The following MAST4 variants were observed in gnomAD, a reference collection of about 807,000 sequenced individuals.
MAST4 encodes microtubule associated serine/threonine kinase family member 4, also known as microtubule-associated serine/threonine-protein kinase 4.
In MAST4, 89 loss-of-function variants were observed where a neutral mutation model predicts 162.7. The ratio of observed to expected loss-of-function variants is 0.55; its 90% CI spans 0.46 to 0.65. MAST4 has a LOEUF of 0.65. Ranked by LOEUF, MAST4 falls within the 30% of genes least tolerant of loss-of-function variation. The pLI, the probability that MAST4 is intolerant of heterozygous loss-of-function variation, is 0.00. For missense variants in MAST4, 3,153 were observed against 3,374.0 expected (o/e 0.93, Z 1.62); for synonymous variants, 1,479 against 1,361.1 (o/e 1.09, Z -1.91).
At chr5:66,938,474 T>C (rs1174660798) in intron 4 of MAST4, among the ~76,000 whole-genome samples, 1 of 152,186 alleles carries the variant, frequency 6.6e-6, no homozygotes, top group Admixed American at 6.5e-5. Context: ...AGAAGAACAC[T>C]GTCTAATTGG....
intron 4 of MAST4, among the ~76,000 whole-genome samples, chr5:66,926,566 C>A (rs56139632): frequency 0.53 from 79,479 of 150,638 alleles, 21,463 homozygotes; most frequent in Non-Finnish European, 0.59. Context: ...CTTTCTCTCT[C>A]TATATATATA....
intron 28 of MAST4, 126 bp downstream of exon 28, chr5:67,162,914 AT>A: frequency 9.2e-7 from 1 of 1,086,768 alleles, no homozygotes; most frequent in Non-Finnish European, 1.3e-6. Flanking sequence ...ATAAAGACAG[AT>A]TTATAGAGAG....
intron 4 of MAST4, among the ~76,000 whole-genome samples, chr5:66,933,383 C>T (rs2150079756): frequency 6.6e-6 from 1 of 152,212 alleles, no homozygotes; most frequent in African/African-American, 2.4e-5. Flanking sequence ...TCTTTTATTG[C>T]TGCAGGAAAA....
intron 5 of MAST4, among the ~76,000 whole-genome samples, chr5:67,087,467 G>A (rs1763368992): frequency 6.6e-6 from 1 of 152,134 alleles, no homozygotes; most frequent in African/African-American, 2.4e-5. Flanking sequence ...AATAAACACA[G>A]CTCATTGGCT....
intron 10 of MAST4, among the ~76,000 whole-genome samples, chr5:67,105,029 C>T (rs574261030): frequency 2.0e-5 from 3 of 152,280 alleles, no homozygotes; most frequent in Non-Finnish European, 4.4e-5. Context: ...GAATGGCAAC[C>T]TATATTTTCA....
chr5:66,858,951 C>G (rs1759884544), intron 3 of MAST4, among the ~76,000 whole-genome samples: 1 of 151,762 alleles, frequency 6.6e-6, no homozygotes, highest in African/African-American at 2.4e-5. Flanking sequence ...TCAGTGTTTT[C>G]TAGTTGGTTA....
Position 66,865,006 on chromosome 5 carries a change from G to A in MAST4, c.643-34945G>A, listed in dbSNP as rs139608778. Among the ~76,000 whole-genome samples the A allele has an allele frequency of 8.7e-4, 132 of 152,242 alleles. No individual in the cohort carries two copies. The Middle Eastern group carries it at 0.01, about 12-fold the overall frequency. ...AGGCATTAGACATGGGGCAGTGCTA[G>A]TTGTTTGGCCCATGAAAGAGAGAAC... On this transcript the variant is annotated intron_variant, in intron 3 of 28. Transcript: ENST00000403625.
chr5:66,800,347 G>A (rs1755856410), intron 3 of MAST4, among the ~76,000 whole-genome samples: 1 of 152,172 alleles, frequency 6.6e-6, no homozygotes, highest in Non-Finnish European at 1.5e-5. Flanking sequence ...ATACATCATG[G>A]AATATTATGC....
At chr5:66,741,083 A>G (rs1274456651) in intron 1 of MAST4, among the ~76,000 whole-genome samples, 4 of 152,202 alleles carry the variant, frequency 2.6e-5, no homozygotes, top group Admixed American at 6.5e-5. Context: ...TTTCTCAAAC[A>G]TACTGAATGC....
At chr5:67,118,816 G>C in intron 13 of MAST4, 67 bp downstream of exon 13, 1 of 919,134 alleles carries the variant, frequency 1.1e-6, no homozygotes, top group East Asian at 2.6e-5. Flanking sequence ...CTTTGGCTAT[G>C]TTAGTTTATT....
At chr5:66,993,848 C>T (rs1045402909) in intron 4 of MAST4, among the ~76,000 whole-genome samples, 1 of 151,334 alleles carries the variant, frequency 6.6e-6, no homozygotes, top group Non-Finnish European at 1.5e-5. Context: ...TAAGAATCAC[C>T]TGGACATTTT....
At chr5:66,799,696 G>C (rs1421543034) in intron 3 of MAST4, among the ~76,000 whole-genome samples, 1 of 152,200 alleles carries the variant, frequency 6.6e-6, no homozygotes, top group Non-Finnish European at 1.5e-5. Flanking sequence ...ATCATGCTCT[G>C]CTGTGGCCCT....
chr5:66,927,015 T>C (rs1718042927), intron 4 of MAST4, among the ~76,000 whole-genome samples: 1 of 152,218 alleles, frequency 6.6e-6, no homozygotes, highest in African/African-American at 2.4e-5. Context: ...GTTATGTGAT[T>C]CCCTTCCTAT....
intron 3 of MAST4, among the ~76,000 whole-genome samples, chr5:66,793,310 G>A (rs1755505673): frequency 1.3e-5 from 2 of 152,198 alleles, no homozygotes; most frequent in South Asian, 4.1e-4. Context: ...CGCCTGCTGG[G>A]ACACCAGCCG....
At chr5:67,074,034 A>G (rs986745694) in intron 5 of MAST4, among the ~76,000 whole-genome samples, 1 of 152,138 alleles carries the variant, frequency 6.6e-6, no homozygotes, top group Non-Finnish European at 1.5e-5. Context: ...CTAACAAATA[A>G]CTTAGGACAT....
Position 66,884,542 on chromosome 5 carries a change from G to A in MAST4, c.643-15409G>A, listed in dbSNP as rs569964293. Among the ~76,000 whole-genome samples the A allele has an allele frequency of 5.3e-5, 8 of 152,276 alleles. No homozygotes were observed. The South Asian group carries it at 6.2e-4, about 12-fold the overall frequency. ...GGACCCGGGAAGCTTGCATTTGGAG[G>A]AAGGAAAAGCTCTAACCCAGAAGCC... is the stretch of plus-strand genomic sequence containing the variant. On this transcript the variant is annotated intron_variant, in intron 3 of 28. Transcript: ENST00000403625.
At chr5:67,145,026 C>A in intron 22 of MAST4, 118 bp from the exon 23 acceptor site, 1 of 939,340 alleles carries the variant, frequency 1.1e-6, no homozygotes, top group Non-Finnish European at 1.6e-6. Flanking sequence ...AACCATTGCA[C>A]TAGACATCTC....
In MAST4 at chr5:66,880,880, T is replaced by C. The variant is rs111738296; in HGVS notation, c.643-19071T>C. 7.6e-3 allele frequency among the ~76,000 whole-genome samples: 1,152 copies of C among 152,344 alleles called. 20 individuals are homozygous for C. The highest frequency in any genetic ancestry group is 0.026 in the African/African-American group (1,096 of 41,574). On this transcript the variant is annotated intron_variant, in intron 3 of 28. Transcript: ENST00000403625. ...TGACATTCACTTTGTGGCCAGGCACTGTGCTAAGTGCTGGAGATTGAGTAC... is the reference window on the plus strand; with the variant it reads ...TGACATTCACTTTGTGGCCAGGCACCGTGCTAAGTGCTGGAGATTGAGTAC...
chr5:66,779,923 G>C (rs973794623), intron 2 of MAST4, among the ~76,000 whole-genome samples: 15 of 152,162 alleles, frequency 9.9e-5, no homozygotes, highest in African/African-American at 3.4e-4. Context: ...ATGTTATGAA[G>C]TATAATTTGC....
Sources: allele counts gnomAD v4.1 joint callset (sites outside exome capture counted in the v4.1 genomes callset), GRCh38; gene constraint gnomAD v4.1.1; transcripts MANE v1.5; gene names NCBI Gene and HGNC (gene_info 2026-07-23, HGNC 2026-07-21).